The following PADI2 variants were observed in gnomAD, a reference collection of about 807,000 sequenced individuals.
PADI2 encodes protein-arginine deiminase type-2.
Under a neutral mutation model 81.1 loss-of-function variants are expected in PADI2, and 70 were observed. That is an observed-to-expected ratio of 0.86 (90% CI 0.71 to 1.05). PADI2 has a LOEUF of 1.05. PADI2 is among the 50% of genes least tolerant of loss of function. The pLI, the probability that PADI2 is intolerant of heterozygous loss-of-function variation, is 0.00. For missense variants in PADI2, 853 were observed against 889.9 expected (o/e 0.96, Z 0.53); for synonymous variants, 338 against 358.0 (o/e 0.94, Z 0.63).
chr1:17,069,576 C>T (rs750381894), intron 15 of PADI2, among the ~76,000 whole-genome samples: 11 of 152,048 alleles, frequency 7.2e-5, no homozygotes, highest in Admixed American at 2.6e-4. Context: ...TGTGCACACA[C>T]GTATGGGTAT....
At chr1:17,083,645 C>G in intron 9 of PADI2, 81 bp downstream of exon 9, 1 of 827,108 alleles carries the variant, frequency 1.2e-6, no homozygotes, top group Non-Finnish European at 2.1e-6. Context: ...CTGCTGGGTG[C>G]CAGGCAGTTC....
At chr1:17,073,416 C>A (rs201205889) in intron 13 of PADI2, among the ~76,000 whole-genome samples, 454 of 127,380 alleles carry the variant, frequency 3.6e-3, no homozygotes, top group East Asian at 5.3e-3. Flanking sequence ...GACTGTGTCT[C>A]AAAAAAAAAA....
chr1:17,084,791 A>G (rs2078373537), intron 7 of PADI2, 89 bp from the exon 8 acceptor site: 1 of 741,128 alleles, frequency 1.3e-6, no homozygotes, highest in African/African-American at 1.8e-5. Flanking sequence ...AACTGATGAC[A>G]GTGAATACAT....
At chr1:17,093,262 A>G (rs1930771431) in intron 5 of PADI2, among the ~76,000 whole-genome samples, 1 of 151,708 alleles carries the variant, frequency 6.6e-6, no homozygotes, top group South Asian at 2.1e-4. Flanking sequence ...CGCTCAGCCA[A>G]TTTTTGTATT....
intron 3 of PADI2, among the ~76,000 whole-genome samples, chr1:17,101,248 G>C (rs1009255533): frequency 1.3e-5 from 2 of 152,174 alleles, no homozygotes; most frequent in Non-Finnish European, 2.9e-5. Context: ...AGGAGGAAAA[G>C]TCCAGTCCTG....
chr1:17,098,823 A>G (rs776149734), intron 3 of PADI2, among the ~76,000 whole-genome samples: 6 of 152,126 alleles, frequency 3.9e-5, no homozygotes, highest in African/African-American at 7.2e-5. Context: ...GCTTCCCCCA[A>G]TGTCTGATTT....
At chr1:17,089,562 C>T (rs1275365141) in intron 6 of PADI2, among the ~76,000 whole-genome samples, 3 of 152,162 alleles carry the variant, frequency 2.0e-5, no homozygotes, top group East Asian at 1.9e-4. Flanking sequence ...GTCCGTCTGC[C>T]GGCAGCTTTC....
At chr1:17,077,441 T>C (rs950386038) in intron 11 of PADI2, among the ~76,000 whole-genome samples, 11 of 152,290 alleles carry the variant, frequency 7.2e-5, no homozygotes, top group Admixed American at 6.5e-4. Flanking sequence ...GGGCCGCCCC[T>C]GAGCTCCTCG....
chr1:17,084,577 C>A (rs1004647612), intron 8 of PADI2, 22 bp downstream of exon 8: 30 of 1,516,460 alleles, frequency 2.0e-5, no homozygotes, highest in Non-Finnish European at 2.7e-5. Flanking sequence ...CGCTGCCTCT[C>A]CAGGCTGGGG....
chr1:17,104,975 T>G lies in PADI2; in HGVS notation c.179A>C (p.Glu60Ala), dbSNP rs370467698. ...GCGCTGCTTGCCATTGGTGGCCACCTCCTCAGCCTCCCCATCACGCACCAC... is the reference window on the plus strand; with the variant it reads ...GCGCTGCTTGCCATTGGTGGCCACCGCCTCAGCCTCCCCATCACGCACCAC... ...VEVVRDGEAEEVATNGKQRWL... is the reference protein window; with the variant it reads ...VEVVRDGEAEAVATNGKQRWL... Residue 60 changes from glutamate to alanine, a missense_variant, in exon 2 of 16, where the codon GAG becomes GCG. Coordinates refer to ENST00000375486, the MANE Select transcript of PADI2 (RefSeq NM_007365.3). The G allele has an allele frequency of 1.9e-6, 3 of 1,610,116 alleles. No homozygotes were observed. Among genetic ancestry groups the G allele is most frequent in the Non-Finnish European group, 2.5e-6 (3 of 1,179,028 alleles).
At chr1:17,110,181 G>A (rs1931527885) in intron 1 of PADI2, among the ~76,000 whole-genome samples, 1 of 152,190 alleles carries the variant, frequency 6.6e-6, no homozygotes, top group Non-Finnish European at 1.5e-5. Flanking sequence ...AAACCCGAGA[G>A]CCAGGGGCTT....
intron 8 of PADI2, among the ~76,000 whole-genome samples, 156 bp from the exon 9 acceptor site, chr1:17,083,993 A>T (rs1466848785): frequency 6.6e-6 from 1 of 152,172 alleles, no homozygotes; most frequent in Non-Finnish European, 1.5e-5. Context: ...AGGCCGCTGG[A>T]ATCAAAGGCC....
At chr1:17,075,433 T>C in intron 12 of PADI2, 1 of 455,336 alleles carries the variant, frequency 2.2e-6, no homozygotes, top group East Asian at 4.1e-5. Flanking sequence ...AGATTTAGTA[T>C]GAGAAAAGAA....
At chr1:17,077,683 G>A (rs1207757477) in intron 11 of PADI2, among the ~76,000 whole-genome samples, 1 of 152,190 alleles carries the variant, frequency 6.6e-6, no homozygotes, top group Admixed American at 6.5e-5. Flanking sequence ...AGTGGAGGGA[G>A]AAGGAGGCAA....
chr1:17,115,018 C>A lies in PADI2; in HGVS notation c.92+4262G>T, dbSNP rs757422657. On this transcript the variant is annotated intron_variant, in intron 1 of 15. Coordinates refer to ENST00000375486, the MANE Select transcript of PADI2 (RefSeq NM_007365.3). This position sits in a 1 kb window ranked among gnomAD's most constrained non-coding sequence, Gnocchi z 4.1. Reference sequence around the variant, plus strand: ...CATCATGGAAAACTGGATCTCAGACCCTCCTGGCCTTTGTCCTAATGACAC... The same window carrying A: ...CATCATGGAAAACTGGATCTCAGACACTCCTGGCCTTTGTCCTAATGACAC... 1.3e-5 allele frequency among the ~76,000 whole-genome samples: 2 copies of A among 152,120 alleles called. No individual in the cohort carries two copies. Among genetic ancestry groups the A allele is most frequent in the African/African-American group, 2.4e-5 (1 of 41,412 alleles).
intron 3 of PADI2, among the ~76,000 whole-genome samples, chr1:17,101,591 A>G (rs1305968691): frequency 6.6e-6 from 1 of 152,180 alleles, no homozygotes; most frequent in Non-Finnish European, 1.5e-5. Context: ...TCCTTGGGAC[A>G]GAAAGAGGGA....
At chr1:17,090,694 C>T (rs560935772) in intron 6 of PADI2, among the ~76,000 whole-genome samples, 87 of 151,770 alleles carry the variant, frequency 5.7e-4, no homozygotes, top group Admixed American at 6.6e-4. Flanking sequence ...CTGTCTCAGT[C>T]GTGGCTGCTC....
intron 7 of PADI2, among the ~76,000 whole-genome samples, chr1:17,086,023 G>C (rs1354438666): frequency 2.0e-5 from 3 of 152,220 alleles, no homozygotes; most frequent in Admixed American, 2.0e-4. Flanking sequence ...AGCAAGGCTG[G>C]CTGAGATGCC....
At chr1:17,078,177 T>C (rs1002909239) in intron 11 of PADI2, among the ~76,000 whole-genome samples, 1 of 152,046 alleles carries the variant, frequency 6.6e-6, no homozygotes, top group Non-Finnish European at 1.5e-5. Flanking sequence ...AATGGCGCGA[T>C]CTCGGCTCAC....
Sources: allele counts gnomAD v4.1 joint callset (sites outside exome capture counted in the v4.1 genomes callset), GRCh38; gene constraint gnomAD v4.1.1; non-coding constraint Gnocchi (gnomAD v3.1); transcripts MANE v1.5; gene names NCBI Gene and HGNC (gene_info 2026-07-23, HGNC 2026-07-21).